ROS1: variants seen among roughly 807,000 people sequenced by gnomAD.
The protein encoded by ROS1 is proto-oncogene tyrosine-protein kinase ROS.
A neutral mutation model predicts 273.5 loss-of-function variants in ROS1; 263 were observed. That is an observed-to-expected ratio of 0.96 (90% CI 0.87 to 1.06). The LOEUF (loss-of-function observed/expected upper bound fraction) is 1.06, where lower values mean the gene tolerates loss of function less well. Among genes scored for constraint, ROS1 ranks in the 50% least tolerant of loss-of-function variants. ROS1 has a pLI of 0.00. For missense variants in ROS1, 2,833 were observed against 2,751.1 expected, an observed-to-expected ratio of 1.03 and a Z score of -0.67; for synonymous variants, 1,008 against 954.1, an observed-to-expected ratio of 1.06 and a Z score of -1.04.
chr6:117,370,338 T>A (rs1385162368), intron 18 of ROS1, among the ~76,000 whole-genome samples: 1 of 152,100 alleles, frequency 6.6e-6, no homozygotes, highest in Non-Finnish European at 1.5e-5. Flanking sequence ...ATCTTTACCT[T>A]TAGAGTATAT....
At chr6:117,343,929 A>C (rs567282807) in intron 28 of ROS1, 131 bp downstream of exon 28, 1 of 681,888 alleles carries the variant, frequency 1.5e-6, no homozygotes, top group Non-Finnish European at 2.5e-6. Flanking sequence ...GTTTTGATGA[A>C]TCATTAGCTG....
At chr6:117,362,321 CT>C (rs71726655) in intron 22 of ROS1, among the ~76,000 whole-genome samples, 401 of 149,804 alleles carry the variant, frequency 2.7e-3, no homozygotes, top group Middle Eastern at 6.8e-3. Flanking sequence ...TCTGTTTAAA[CT>C]TTTTTTTTTA....
At chr6:117,415,276 GT>G (rs1480976508) in intron 3 of ROS1, among the ~76,000 whole-genome samples, 1 of 152,136 alleles carries the variant, frequency 6.6e-6, no homozygotes, top group Admixed American at 6.5e-5. Context: ...GTGGGCATAG[GT>G]AACTGCTATA....
At chr6:117,379,218 G>A (rs2128685388) in intron 17 of ROS1, 59 bp from the exon 18 acceptor site, 1 of 1,001,414 alleles carries the variant, frequency 1.0e-6, no homozygotes, top group Non-Finnish European at 1.6e-6. Flanking sequence ...ATAACTTTGT[G>A]AACAGGTCAC....
rs2128520960 is a variant in ROS1 at position 117,288,651 on chromosome 6, C to T, written c.6867G>A (p.Gln2289=). Residue 2289 remains glutamine (Q), a synonymous_variant, in exon 44 of 44, where the codon CAG becomes CAA. Coordinates refer to ENST00000368507, the MANE Select transcript of ROS1 (RefSeq NM_001378902.1). ...TCCTCAGACCACAAGATTCAGATTC[C>T]TGGGAGCCTAGAGGACCCTCAGACT... is the stretch of plus-strand genomic sequence containing the variant. ...EEKSEGPLGS[Q]ESESCGLRKE... is the part of the protein sequence containing the mutation. 6.2e-7 allele frequency: 1 copy of T among 1,614,088 alleles called. No individual in the cohort carries two copies. The highest frequency in any genetic ancestry group is 8.5e-7 in the Non-Finnish European group (1 of 1,180,020).
intron 24 of ROS1, among the ~76,000 whole-genome samples, chr6:117,359,306 A>G (rs1779589327): frequency 6.6e-6 from 1 of 152,184 alleles, no homozygotes; most frequent in African/African-American, 2.4e-5. Flanking sequence ...AATGCCTACC[A>G]CATGCCAGGC....
chr6:117,367,441 C>CA, intron 18 of ROS1, among the ~76,000 whole-genome samples: 1 of 152,230 alleles, frequency 6.6e-6, no homozygotes, highest in South Asian at 2.1e-4. Context: ...CATCACTGCT[C>CA]TGACACTGGC....
intron 8 of ROS1, 144 bp from the exon 9 acceptor site, chr6:117,396,408 C>T (rs915358882): frequency 6.2e-6 from 4 of 650,370 alleles, no homozygotes; most frequent in South Asian, 3.6e-5. Flanking sequence ...TGCTCAGCAC[C>T]GAAATGACCA....
rs769919414 is a variant in ROS1 at position 117,397,102 on chromosome 6, G to A, written c.619C>T (p.Pro207Ser). Reference sequence around the variant, plus strand: ...GAGCTCTCAATATTCCTAATCAAAGGTGCAGTTTCAGGAACTGGAAGAGAT... The same window carrying A: ...GAGCTCTCAATATTCCTAATCAAAGATGCAGTTTCAGGAACTGGAAGAGAT... ...THPHGVPETA[P>S]LIRNIESSSP... The change falls in exon 8 of 44, where the codon CCT (proline) becomes TCT (serine). Residue 207 changes from proline to serine, a missense_variant. Transcript: ENST00000368507. The A allele has an allele frequency of 1.2e-6, 2 of 1,611,976 alleles. No individual in the cohort carries two copies. The highest frequency in any genetic ancestry group is 2.2e-5 in the South Asian group (2 of 90,930).
intron 18 of ROS1, among the ~76,000 whole-genome samples, chr6:117,373,503 C>T (rs540812727): frequency 1.6e-4 from 24 of 152,362 alleles, no homozygotes; most frequent in African/African-American, 5.3e-4. Flanking sequence ...GGACCTGGTG[C>T]CCCTCTCCAC....
At chr6:117,375,246 T>G (rs1781220330) in intron 18 of ROS1, among the ~76,000 whole-genome samples, 1 of 152,142 alleles carries the variant, frequency 6.6e-6, no homozygotes. Flanking sequence ...GCTGTGAGGA[T>G]GCAAAGGCAT....
At chr6:117,347,826 G>A (rs2157535) in intron 27 of ROS1, among the ~76,000 whole-genome samples, 120,255 of 151,942 alleles carry the variant, frequency 0.79, 47,819 homozygotes, top group African/African-American at 0.84. Flanking sequence ...CAATGTGACC[G>A]CCTGATTTTT....
rs1780235397 is a variant in ROS1, at chr6:117,366,305, C to T, written c.2583-15G>A. ...TATCCCCAGTGCTGCTAAAACATAA[C>T]ACCAATTAGTGTGTGTTTCTGGAGT... On this transcript the variant is annotated splice_polypyrimidine_tract_variant and intron_variant, in intron 18 of 43. Transcript: ENST00000368507. 6.3e-7 allele frequency: 1 copy of T among 1,598,796 alleles called. No individual in the cohort carries two copies.
intron 7 of ROS1, among the ~76,000 whole-genome samples, chr6:117,401,394 T>C (rs1284295603): frequency 6.6e-6 from 1 of 152,234 alleles, no homozygotes; most frequent in Non-Finnish European, 1.5e-5. Context: ...AGGGTCAGTA[T>C]GGCCCTGTGC....
At chr6:117,303,750 G>GGGCA (rs1471557034) in intron 42 of ROS1, among the ~76,000 whole-genome samples, 1 of 152,124 alleles carries the variant, frequency 6.6e-6, no homozygotes, top group Non-Finnish European at 1.5e-5. Flanking sequence ...AATTATAAAG[G>GGGCA]GGCAGGTTGG....
At chr6:117,387,091 T>A in intron 14 of ROS1, 92 bp from the exon 15 acceptor site, 2 of 555,478 alleles carry the variant, frequency 3.6e-6, no homozygotes, top group Middle Eastern at 3.7e-4. Context: ...TTATATCTTA[T>A]GATTTTCTAT....
In ROS1 at chr6:117,386,938, A is replaced by G; in HGVS notation, c.2061T>C (p.Asn687=). 1 of 1,613,192 alleles carries G rather than the reference A, an allele frequency of 6.2e-7. No homozygotes were observed. The highest frequency in any genetic ancestry group is 8.5e-7 in the Non-Finnish European group (1 of 1,179,290). The change falls in exon 15 of 44, where the codon AAT becomes AAC. Residue 687 remains asparagine (N), a synonymous_variant. Coordinates refer to ENST00000368507, the MANE Select transcript of ROS1 (RefSeq NM_001378902.1). ...ATAAGAACTCTCCTGGGCCAAAGCTATTTAATGGTTTACTCCAAAGCCCAT... is the reference window on the plus strand; with the variant it reads ...ATAAGAACTCTCCTGGGCCAAAGCTGTTTAATGGTTTACTCCAAAGCCCAT... ...KEDGLWSKPL[N]SFGPGEFLSS... is the part of the protein sequence containing the mutation.
At chr6:117,314,110 G>GC (rs1775736126) in intron 39 of ROS1, among the ~76,000 whole-genome samples, 1 of 151,778 alleles carries the variant, frequency 6.6e-6, no homozygotes, top group Non-Finnish European at 1.5e-5. Flanking sequence ...CATACCCCCA[G>GC]CCCCACCACA....
At chr6:117,386,774 C>T in intron 15 of ROS1, 115 bp downstream of exon 15, 4 of 521,982 alleles carry the variant, frequency 7.7e-6, no homozygotes, top group Middle Eastern at 2.9e-4. Context: ...AATATTTTTT[C>T]CTTTCACTAT....
Sources: allele counts gnomAD v4.1 joint callset (sites outside exome capture counted in the v4.1 genomes callset), GRCh38; gene constraint gnomAD v4.1.1; transcripts MANE v1.5; gene names NCBI Gene and HGNC (gene_info 2026-07-23, HGNC 2026-07-21).